The following APH1B variants were observed in gnomAD, a reference collection of about 807,000 sequenced individuals.
The protein encoded by APH1B is gamma-secretase subunit APH-1B.
In APH1B, 27 loss-of-function variants were observed where a neutral mutation model predicts 28.2. The ratio of observed to expected loss-of-function variants is 0.96; its 90% CI spans 0.70 to 1.32. The LOEUF is 1.32. APH1B is among the 40% of genes most tolerant of loss of function. The pLI, the probability that APH1B is intolerant of heterozygous loss-of-function variation, is 0.00. For missense variants in APH1B, 305 were observed against 313.6 expected (o/e 0.97, Z 0.21); for synonymous variants, 141 against 124.6 (o/e 1.13, Z -0.88).
At position 63,308,650 on chromosome 15, in the gene APH1B, C is replaced by G. The variant is rs2038711272; in HGVS notation, c.*2869C>G. 3 of 152,274 alleles carry G rather than the reference C, an allele frequency of 2.0e-5. No homozygotes were observed. The highest frequency in any genetic ancestry group is 2.0e-4 in the Admixed American group (3 of 15,290). The allele number at this position is 152,274 out of a possible 1,614,324, so 9.4% of individuals were successfully genotyped here. On this transcript the variant is annotated 3_prime_UTR_variant, in exon 6 of 6. Coordinates refer to ENST00000261879, the MANE Select transcript of APH1B (RefSeq NM_031301.4). ...GGTACTCCTCCCATTCACCTCAGCC[C>G]AGCCCCAGACAGGCGTTAGCATTCA... is the stretch of plus-strand genomic sequence containing the variant.
At chr15:63,286,671 C>A in intron 3 of APH1B, 43 bp downstream of exon 3, 1 of 1,525,942 alleles carries the variant, frequency 6.6e-7, no homozygotes, top group Non-Finnish European at 8.9e-7. Context: ...AAAAATCATA[C>A]TTGGCATAAA....
chr15:63,278,359 A>G (rs1384161241), intron 1 of APH1B: 3 of 456,554 alleles, frequency 6.6e-6, no homozygotes, highest in African/African-American at 6.0e-5. Flanking sequence ...AGCTTGGTAA[A>G]TACCGGACTC....
intron 4 of APH1B, among the ~76,000 whole-genome samples, chr15:63,301,149 C>CA (rs1384815700): frequency 1.3e-5 from 2 of 152,218 alleles, no homozygotes; most frequent in African/African-American, 4.8e-5. Context: ...GGAGTTCTAA[C>CA]AAGTTCCCAG....
At chr15:63,303,473 C>T (rs1313043588) in intron 5 of APH1B, among the ~76,000 whole-genome samples, 6 of 152,162 alleles carry the variant, frequency 3.9e-5, no homozygotes, top group African/African-American at 1.2e-4. Flanking sequence ...CCATAATTTA[C>T]CCATTTGACA....
chr15:63,295,612 T>G (rs1003289976), intron 4 of APH1B, among the ~76,000 whole-genome samples: 1 of 152,220 alleles, frequency 6.6e-6, no homozygotes, highest in Non-Finnish European at 1.5e-5. Flanking sequence ...GGTTGGGGGC[T>G]GACATGTGTG....
chr15:63,289,331 G>A (rs1326948643), intron 4 of APH1B, among the ~76,000 whole-genome samples: 1 of 152,040 alleles, frequency 6.6e-6, no homozygotes, highest in Non-Finnish European at 1.5e-5. Flanking sequence ...TATATTTATT[G>A]TATTTATGTT....
intron 5 of APH1B, among the ~76,000 whole-genome samples, chr15:63,303,964 T>C (rs944672693): frequency 5.9e-5 from 9 of 151,884 alleles, no homozygotes; most frequent in African/African-American, 2.2e-4. Context: ...TGTACATGTG[T>C]CGACTGTTCA....
At chr15:63,296,612 G>A (rs1007731170) in intron 4 of APH1B, among the ~76,000 whole-genome samples, 8 of 152,138 alleles carry the variant, frequency 5.3e-5, no homozygotes, top group Admixed American at 3.9e-4. Flanking sequence ...AGAGCATTTG[G>A]GGTATATTCA....
intron 4 of APH1B, among the ~76,000 whole-genome samples, chr15:63,301,150 A>C (rs1173707732): frequency 6.6e-6 from 1 of 152,226 alleles, no homozygotes; most frequent in Non-Finnish European, 1.5e-5. Context: ...GAGTTCTAAC[A>C]AGTTCCCAGG....
rs977357424 is a variant in APH1B at position 63,279,257 on chromosome 15, T to C, written c.210T>C (p.Tyr70=). 10 of 1,613,018 alleles carry C rather than the reference T, an allele frequency of 6.2e-6. No individual in the cohort carries two copies. The highest frequency in any genetic ancestry group is 2.2e-5 in the East Asian group (1 of 44,880). ...IDNKDGPTQK[Y]LLIFGAFVSV... is the part of the protein sequence containing the mutation. Reference sequence around the variant, plus strand: ...ACAAAGATGGACCAACACAGAAATATCTGCTGATCTTTGGAGCGTTTGTCT... The same window carrying C: ...ACAAAGATGGACCAACACAGAAATACCTGCTGATCTTTGGAGCGTTTGTCT... Residue 70 remains tyrosine, a synonymous_variant, in exon 2 of 6, where the codon TAT becomes TAC. Coordinates refer to ENST00000261879, the MANE Select transcript of APH1B (RefSeq NM_031301.4).
At chr15:63,293,742 C>T (rs566912688) in intron 4 of APH1B, among the ~76,000 whole-genome samples, 18 of 152,212 alleles carry the variant, frequency 1.2e-4, no homozygotes, top group African/African-American at 2.2e-4. Flanking sequence ...GTCATCTGCC[C>T]GCTTTGGCCT....
At chr15:63,305,041 C>T (rs1349210176) in intron 5 of APH1B, among the ~76,000 whole-genome samples, 1 of 152,230 alleles carries the variant, frequency 6.6e-6, no homozygotes, top group Non-Finnish European at 1.5e-5. Flanking sequence ...TAGCATTCAT[C>T]ACAATTTGTG....
At position 63,308,516 on chromosome 15, in the gene APH1B, A is replaced by G. The variant is rs541920345; in HGVS notation, c.*2735A>G. 2.6e-5 allele frequency: 4 copies of G among 152,354 alleles called. No homozygotes were observed. Among genetic ancestry groups the G allele is most frequent in the African/African-American group, 7.2e-5 (3 of 41,576 alleles). The allele number at this position is 152,354 out of a possible 1,614,324, so 9.4% of individuals were successfully genotyped here. On this transcript the variant is annotated 3_prime_UTR_variant, in exon 6 of 6. Coordinates refer to ENST00000261879, the MANE Select transcript of APH1B (RefSeq NM_031301.4). ...CAGCGTTAACATTTTCTTCTCAATCACATTTCAATGTTTGTGGAGAGTGGC... is the reference window on the plus strand; with the variant it reads ...CAGCGTTAACATTTTCTTCTCAATCGCATTTCAATGTTTGTGGAGAGTGGC...
At chr15:63,282,960 A>T (rs2038404840) in intron 2 of APH1B, among the ~76,000 whole-genome samples, 1 of 152,184 alleles carries the variant, frequency 6.6e-6, no homozygotes, top group African/African-American at 2.4e-5. Flanking sequence ...TATTTTTGAA[A>T]TTTGAATTGT....
At chr15:63,279,439 A>C (rs1048043465) in intron 2 of APH1B, 108 bp downstream of exon 2, 11 of 978,778 alleles carry the variant, frequency 1.1e-5, no homozygotes, top group Non-Finnish European at 1.5e-5. Flanking sequence ...CCTACATAGT[A>C]CTAAGCCAAG....
chr15:63,294,336 G>GC (rs1054828212), intron 4 of APH1B, among the ~76,000 whole-genome samples: 54 of 152,096 alleles, frequency 3.6e-4, no homozygotes, highest in Admixed American at 2.6e-4. Context: ...GTCTAGCCCC[G>GC]CCCCCCGGCA....
rs1003231916 is a variant in APH1B at position 63,307,358 on chromosome 15, A to T, written c.*1577A>T. On this transcript the variant is annotated 3_prime_UTR_variant, in exon 6 of 6. Transcript: ENST00000261879. ...GAACCCCCATGTTTAAAATATTAGAATGTTTAGAGATAAAATAGAGATAAT... is the reference window on the plus strand; with the variant it reads ...GAACCCCCATGTTTAAAATATTAGATTGTTTAGAGATAAAATAGAGATAAT... 1 of 152,040 alleles carries T rather than the reference A, an allele frequency of 6.6e-6. No homozygotes were observed. Among genetic ancestry groups the T allele is most frequent in the African/African-American group, 2.4e-5 (1 of 41,448 alleles). 9.4% of individuals were successfully genotyped at this position (152,040 alleles called of 1,614,324 possible).
chr15:63,286,826 A>G (rs2152594891), intron 3 of APH1B, among the ~76,000 whole-genome samples, 198 bp downstream of exon 3: 1 of 152,296 alleles, frequency 6.6e-6, no homozygotes, highest in South Asian at 2.1e-4. Context: ...CCTTACCTGT[A>G]TGTCCATTGT....
At chr15:63,285,031 AT>A (rs2038431000) in intron 2 of APH1B, among the ~76,000 whole-genome samples, 1 of 152,190 alleles carries the variant, frequency 6.6e-6, no homozygotes, top group Non-Finnish European at 1.5e-5. Flanking sequence ...AAAATTGGAC[AT>A]TTTAGTTGGT....
Sources: allele counts gnomAD v4.1 joint callset (sites outside exome capture counted in the v4.1 genomes callset), GRCh38; gene constraint gnomAD v4.1.1; transcripts MANE v1.5; gene names NCBI Gene and HGNC (gene_info 2026-07-23, HGNC 2026-07-21).